LPP: variants seen among roughly 807,000 people sequenced by gnomAD.
The protein encoded by LPP is lipoma-preferred partner.
Under a neutral mutation model 60.4 loss-of-function variants are expected in LPP, and 38 were observed. The ratio of observed to expected loss-of-function variants is 0.63; its 90% CI spans 0.49 to 0.83. The LOEUF (loss-of-function observed/expected upper bound fraction) is 0.83. Among genes scored for constraint, LPP ranks in the 40% least tolerant of loss-of-function variants. LPP has a pLI of 0.00. For missense variants in LPP, 902 were observed against 783.6 expected (o/e 1.15, Z -1.80); for synonymous variants, 328 against 290.8 (o/e 1.13, Z -1.30).
intron 3 of LPP, among the ~76,000 whole-genome samples, chr3:188,351,633 C>T (rs1765869750): frequency 6.6e-6 from 1 of 152,136 alleles, no homozygotes; most frequent in Non-Finnish European, 1.5e-5. Flanking sequence ...AGCTAGAATT[C>T]CCATTCCTCC....
chr3:188,783,766 G>A (rs894322227), intron 9 of LPP, among the ~76,000 whole-genome samples: 1 of 151,784 alleles, frequency 6.6e-6, no homozygotes, highest in Non-Finnish European at 1.5e-5. Flanking sequence ...CAAGTATTCT[G>A]CCTGCTACCA....
intron 8 of LPP, among the ~76,000 whole-genome samples, chr3:188,737,402 G>A (rs1296315701): frequency 6.6e-6 from 1 of 152,164 alleles, no homozygotes; most frequent in Admixed American, 6.5e-5. Flanking sequence ...GCCCATCCTA[G>A]TGTACCCATG....
intron 1 of LPP, among the ~76,000 whole-genome samples, chr3:188,170,291 C>T (rs1721177139): frequency 6.7e-6 from 1 of 149,932 alleles, no homozygotes; most frequent in Non-Finnish European, 1.5e-5. Context: ...GTGAATCACT[C>T]TTATGAGAGG....
intron 8 of LPP, among the ~76,000 whole-genome samples, chr3:188,731,562 C>G (rs902433702): frequency 5.6e-5 from 4 of 71,462 alleles, no homozygotes; most frequent in Non-Finnish European, 1.1e-4. Context: ...TCACTGTGTC[C>G]CCCAGGCTGG....
At chr3:188,293,342 T>TG (rs1309378226) in intron 2 of LPP, among the ~76,000 whole-genome samples, 1 of 152,248 alleles carries the variant, frequency 6.6e-6, no homozygotes, top group Non-Finnish European at 1.5e-5. Context: ...GCTCCTAACG[T>TG]GGGGAGCCCA....
At chr3:188,397,283 T>C (rs1781176275) in intron 3 of LPP, among the ~76,000 whole-genome samples, 2 of 152,246 alleles carry the variant, frequency 1.3e-5, no homozygotes, top group African/African-American at 2.4e-5. Context: ...CTTTAGCTTC[T>C]CTAAATCTCG....
intron 4 of LPP, among the ~76,000 whole-genome samples, chr3:188,438,504 G>T (rs1409159574): frequency 1.3e-5 from 2 of 151,994 alleles, no homozygotes; most frequent in African/African-American, 4.8e-5. Context: ...CTTGCTTTGA[G>T]TCCCATATTA....
intron 9 of LPP, among the ~76,000 whole-genome samples, chr3:188,832,223 TAGAG>T (rs1757310811): frequency 6.6e-6 from 1 of 152,110 alleles, no homozygotes; most frequent in African/African-American, 2.4e-5. Flanking sequence ...TCTCAGCAGA[TAGAG>T]AGACTCTCCT....
chr3:188,851,472 C>T (rs1762664580), intron 9 of LPP, among the ~76,000 whole-genome samples: 1 of 152,170 alleles, frequency 6.6e-6, no homozygotes, highest in Non-Finnish European at 1.5e-5. Context: ...ACCACATTTT[C>T]CCCTGTATGG....
chr3:188,786,143 G>C (rs1199320602), intron 9 of LPP, among the ~76,000 whole-genome samples: 1 of 152,088 alleles, frequency 6.6e-6, no homozygotes, highest in East Asian at 1.9e-4. Flanking sequence ...ACTTTGGGAG[G>C]CTGAGGCGGG....
chr3:188,321,332 T>A (rs1329768103), intron 2 of LPP, among the ~76,000 whole-genome samples: 1 of 152,248 alleles, frequency 6.6e-6, no homozygotes, highest in Non-Finnish European at 1.5e-5. Context: ...ATATTTTGGA[T>A]ATATTTGTAA....
chr3:188,267,184 T>G (rs552565089), intron 2 of LPP, among the ~76,000 whole-genome samples: 26 of 152,260 alleles, frequency 1.7e-4, no homozygotes, highest in Non-Finnish European at 3.1e-4. Flanking sequence ...CCATGATCAT[T>G]GACTTCTTGC....
intron 9 of LPP, among the ~76,000 whole-genome samples, chr3:188,819,858 T>C (rs1236454760): frequency 6.6e-6 from 1 of 152,158 alleles, no homozygotes; most frequent in Non-Finnish European, 1.5e-5. Flanking sequence ...CGGGAAGGTT[T>C]GTTAGAACTG....
rs73890527 is a variant in LPP, at chr3:188,495,846, C to T, written c.306+11142C>T. Among the ~76,000 whole-genome samples the T allele has an allele frequency of 8.1e-3, 1,234 of 152,244 alleles. 18 individuals are homozygous for T. Among genetic ancestry groups the T allele is most frequent in the African/African-American group, 0.028 (1,177 of 41,534 alleles). On this transcript the variant is annotated intron_variant, in intron 5 of 11. Transcript: ENST00000617246. ...AAGGAGTGAAAGGGAGTAGAGGATG[C>T]TGACACCAAAAACCTAGGGCACTAA...
chr3:188,701,751 G>GA (rs1864448485), intron 7 of LPP, among the ~76,000 whole-genome samples: 1 of 144,420 alleles, frequency 6.9e-6, no homozygotes, highest in African/African-American at 2.5e-5. Context: ...ATCTGGCTGC[G>GA]TTTTTTTTTT....
chr3:188,384,330 A>ATGTGTGTG (rs61561622), intron 3 of LPP, among the ~76,000 whole-genome samples: 61,431 of 148,652 alleles, frequency 0.41, 13,545 homozygotes, highest in East Asian at 0.66. Context: ...ATGTATGTGC[A>ATGTGTGTG]TGTGTGTGTG....
intron 7 of LPP, among the ~76,000 whole-genome samples, chr3:188,649,293 G>T (rs558029040): frequency 1.3e-5 from 2 of 152,292 alleles, no homozygotes; most frequent in South Asian, 4.2e-4. Context: ...TAGGATTATG[G>T]TTACATTGTA....
At chr3:188,629,055 T>A (rs1252184645) in intron 7 of LPP, among the ~76,000 whole-genome samples, 1 of 152,058 alleles carries the variant, frequency 6.6e-6, no homozygotes, top group Non-Finnish European at 1.5e-5. Context: ...AAATTCAACA[T>A]CGCTTCATGT....
rs1433957566 is a variant in LPP, at chr3:188,182,837, A to C, written c.-190+28585A>C. ...TATAATATATGTACATATAATATAC[A>C]TACACACACATGCCCAGCCCTTACT... On this transcript the variant is annotated intron_variant, in intron 1 of 11. Coordinates refer to ENST00000617246, the MANE Select transcript of LPP (RefSeq NM_001375462.1). The surrounding 1 kb of genome is among the most constrained non-coding windows in gnomAD (Gnocchi z 4.4). 6.6e-6 allele frequency among the ~76,000 whole-genome samples: 1 copy of C among 151,818 alleles called. No individual in the cohort carries two copies. The highest frequency in any genetic ancestry group is 1.5e-5 in the Non-Finnish European group (1 of 67,980).
Sources: allele counts gnomAD v4.1 joint callset (sites outside exome capture counted in the v4.1 genomes callset), GRCh38; gene constraint gnomAD v4.1.1; non-coding constraint Gnocchi (gnomAD v3.1); transcripts MANE v1.5; gene names NCBI Gene and HGNC (gene_info 2026-07-23, HGNC 2026-07-21).